Variants in SLC25A13 observed in about 807,000 individuals in gnomAD.
The protein encoded by SLC25A13 is solute carrier family 25 member 13.
In SLC25A13, 70 loss-of-function variants were observed where a neutral mutation model predicts 85.5. That is an observed-to-expected ratio of 0.82 (90% confidence interval 0.68 to 1.00). The LOEUF (loss-of-function observed/expected upper bound fraction) is 1.00, where lower values mean the gene tolerates loss of function less well. Among genes scored for constraint, SLC25A13 ranks in the 50% least tolerant of loss-of-function variants. The probability of loss-of-function intolerance (pLI) is 0.00; values close to 1 mark genes in which losing one functional copy is unlikely to be tolerated. For synonymous variants in SLC25A13, 259 were observed against 288.7 expected, an observed-to-expected ratio of 0.90 and a Z score of 1.04; for missense variants, 765 against 819.8, an observed-to-expected ratio of 0.93 and a Z score of 0.82.
At chr7:96,259,589 C>T (rs191073384) in intron 3 of SLC25A13, among the ~76,000 whole-genome samples, 226 of 152,242 alleles carry the variant, frequency 1.5e-3, no homozygotes, top group Non-Finnish European at 2.4e-3. Context: ...GAAATAGGAA[C>T]GCTTTTACAT....
chr7:96,178,216 T>A (rs973029687), intron 11 of SLC25A13, among the ~76,000 whole-genome samples: 1 of 151,710 alleles, frequency 6.6e-6, no homozygotes, highest in African/African-American at 2.4e-5. Flanking sequence ...GGGTCAGGAG[T>A]GGGTTGAAGC....
chr7:96,160,571 C>T (rs140089202), intron 13 of SLC25A13, among the ~76,000 whole-genome samples: 1 of 152,334 alleles, frequency 6.6e-6, no homozygotes, highest in East Asian at 1.9e-4. Flanking sequence ...TGTGTCCTCA[C>T]ATGGAGGAAG....
intron 15 of SLC25A13, among the ~76,000 whole-genome samples, chr7:96,128,939 G>GCTTGCTCGCTCGCT (rs1554336579): frequency 3.7e-5 from 3 of 81,850 alleles, no homozygotes; most frequent in African/African-American, 1.3e-4. Context: ...TGCCTTGCTT[G>GCTTGCTCGCTCGCT]CTCTCTCTCT....
At chr7:96,295,829 A>G (rs545393368) in intron 2 of SLC25A13, among the ~76,000 whole-genome samples, 26 of 151,100 alleles carry the variant, frequency 1.7e-4, no homozygotes, top group South Asian at 8.3e-4. Context: ...AAACATATAT[A>G]TATAAAATAT....
chr7:96,153,389 A>G (rs530009546), intron 13 of SLC25A13, among the ~76,000 whole-genome samples: 1 of 152,370 alleles, frequency 6.6e-6, no homozygotes, highest in South Asian at 2.1e-4. Context: ...TCTGTAACAC[A>G]GAAGAGAAGA....
At chr7:96,210,866 C>T (rs762391722) in intron 4 of SLC25A13, among the ~76,000 whole-genome samples, 11 of 152,106 alleles carry the variant, frequency 7.2e-5, no homozygotes, top group Non-Finnish European at 1.3e-4. Context: ...GGTTTATCCT[C>T]AGTTAACTTA....
chr7:96,128,098 A>G (rs1364973321), intron 15 of SLC25A13, among the ~76,000 whole-genome samples: 1 of 152,216 alleles, frequency 6.6e-6, no homozygotes. Context: ...TTCCACACTC[A>G]GCCCTGCTCA....
rs192240767 is a variant in SLC25A13 at position 96,164,621 on chromosome 7, G to T, written c.1311+5424C>A. Among the ~76,000 whole-genome samples the T allele has an allele frequency of 3.2e-3, 483 of 151,966 alleles. 1 individual carries two copies. The highest frequency in any genetic ancestry group is 4.8e-3 in the Non-Finnish European group (326 of 67,960). On this transcript the variant is annotated intron_variant, in intron 13 of 17. Transcript: ENST00000265631. ...CCTTGGGACCCCAAACCGACTAAAA[G>T]CCCATGTTCTTTACAGGAAACTGGA... is the stretch of plus-strand genomic sequence containing the variant.
chr7:96,321,590 G>A (rs951360285), intron 1 of SLC25A13, among the ~76,000 whole-genome samples: 3 of 152,200 alleles, frequency 2.0e-5, no homozygotes, highest in African/African-American at 7.2e-5. Context: ...GGAAGGTAGA[G>A]AGGACCCCCA....
intron 11 of SLC25A13, among the ~76,000 whole-genome samples, chr7:96,177,024 A>T (rs1000534027): frequency 1.2e-4 from 18 of 152,206 alleles, no homozygotes; most frequent in African/African-American, 4.3e-4. Flanking sequence ...TGATAATTAT[A>T]TGAATAAGTG....
intron 5 of SLC25A13, 35 bp from the exon 6 acceptor site, chr7:96,193,218 C>T (rs1794929960): frequency 1.2e-6 from 2 of 1,608,180 alleles, no homozygotes; most frequent in Non-Finnish European, 1.7e-6. Context: ...TTAATTTATG[C>T]TTCTCATTTA....
At chr7:96,254,186 A>G (rs1005137101) in intron 3 of SLC25A13, among the ~76,000 whole-genome samples, 1 of 152,180 alleles carries the variant, frequency 6.6e-6, no homozygotes, top group African/African-American at 2.4e-5. Flanking sequence ...TGAGATTTGC[A>G]TGTAAATAGG....
At chr7:96,159,085 A>G (rs559835342) in intron 13 of SLC25A13, among the ~76,000 whole-genome samples, 1 of 152,326 alleles carries the variant, frequency 6.6e-6, no homozygotes, top group African/African-American at 2.4e-5. Context: ...GCATTCAGCA[A>G]CCTCACAAAG....
chr7:96,266,213 G>A (rs1227154180), intron 3 of SLC25A13, among the ~76,000 whole-genome samples: 2 of 152,218 alleles, frequency 1.3e-5, no homozygotes, highest in African/African-American at 2.4e-5. Flanking sequence ...TTGACCTCCT[G>A]GACTTCTGAA....
chr7:96,261,450 T>C (rs1039179774), intron 3 of SLC25A13, among the ~76,000 whole-genome samples: 1 of 152,212 alleles, frequency 6.6e-6, no homozygotes, highest in Non-Finnish European at 1.5e-5. Context: ...ATATCATTTA[T>C]TTCAGACTAA....
intron 11 of SLC25A13, among the ~76,000 whole-genome samples, chr7:96,173,095 C>T (rs1437136649): frequency 6.6e-6 from 1 of 152,130 alleles, no homozygotes; most frequent in East Asian, 1.9e-4. Flanking sequence ...GATATCGTCA[C>T]AATTGATAAA....
chr7:96,161,108 A>G (rs548088307), intron 13 of SLC25A13, among the ~76,000 whole-genome samples: 1 of 152,202 alleles, frequency 6.6e-6, no homozygotes, highest in East Asian at 1.9e-4. Flanking sequence ...AATACAAGCC[A>G]TAATAAATAA....
chr7:96,268,888 C>T (rs1246988181), intron 3 of SLC25A13, among the ~76,000 whole-genome samples: 2 of 152,190 alleles, frequency 1.3e-5, no homozygotes, highest in African/African-American at 4.8e-5. Flanking sequence ...GCCTGCAACT[C>T]TCTGTCCTCT....
At chr7:96,272,544 C>A (rs1798283349) in intron 3 of SLC25A13, among the ~76,000 whole-genome samples, 2 of 152,050 alleles carry the variant, frequency 1.3e-5, no homozygotes, top group Admixed American at 1.3e-4. Flanking sequence ...AAGTGATTTC[C>A]AGGTCAAAGG....
Sources: gnomAD v4.1 joint callset for allele counts (sites outside exome capture counted in the v4.1 genomes callset) on GRCh38, gnomAD v4.1.1 for gene constraint, MANE v1.5 for transcripts, NCBI Gene and HGNC (gene_info 2026-07-23, HGNC 2026-07-21) for gene names.